Variants in NLGN1 observed in about 807,000 individuals in gnomAD.
NLGN1 encodes neuroligin-1.
NLGN1 carries 12 observed loss-of-function variants against 65.5 expected under a neutral mutation model. The ratio of observed to expected loss-of-function variants is 0.18; its 90% CI spans 0.12 to 0.30. The LOEUF is 0.30. Among genes scored for constraint, NLGN1 ranks in the 10% least tolerant of loss-of-function variants. The probability of loss-of-function intolerance (pLI) is 1.00; values close to 1 mark genes in which losing one functional copy is unlikely to be tolerated. For missense variants in NLGN1, 750 were observed against 1,007.1 expected, an observed-to-expected ratio of 0.74 and a Z score of 3.46; for synonymous variants, 350 against 359.5, an observed-to-expected ratio of 0.97 and a Z score of 0.30.
chr3:173,502,020 A>G (rs1731213434), intron 2 of NLGN1, among the ~76,000 whole-genome samples: 1 of 152,092 alleles, frequency 6.6e-6, no homozygotes, highest in African/African-American at 2.4e-5. Context: ...CTCATGCTTG[A>G]TTTAATAATG....
chr3:174,014,486 G>T (rs1427127404), intron 4 of NLGN1, among the ~76,000 whole-genome samples: 1 of 152,146 alleles, frequency 6.6e-6, no homozygotes, highest in Non-Finnish European at 1.5e-5. Context: ...ACTTTAGGAA[G>T]AAAGAATCAC....
chr3:173,953,118 C>G (rs192802783), intron 4 of NLGN1, among the ~76,000 whole-genome samples: 1 of 152,274 alleles, frequency 6.6e-6, no homozygotes, highest in Admixed American at 6.5e-5. Context: ...TCCATGATTA[C>G]TCTGCTGTTT....
intron 4 of NLGN1, among the ~76,000 whole-genome samples, chr3:173,928,817 G>T (rs1743508317): frequency 6.6e-6 from 1 of 151,688 alleles, no homozygotes; most frequent in South Asian, 2.1e-4. Context: ...TTACAGGCAT[G>T]TGCCACCATG....
intron 4 of NLGN1, among the ~76,000 whole-genome samples, chr3:174,048,378 A>G (rs1017877090): frequency 6.6e-6 from 1 of 152,094 alleles, no homozygotes; most frequent in Non-Finnish European, 1.5e-5. Flanking sequence ...AAGAAATTAT[A>G]GTTTAAGTGC....
intron 4 of NLGN1, among the ~76,000 whole-genome samples, chr3:174,050,724 C>T (rs891583645): frequency 3.9e-5 from 6 of 151,938 alleles, no homozygotes; most frequent in Non-Finnish European, 8.8e-5. Context: ...TGGTCTCCTT[C>T]CCATTTAGAA....
chr3:174,165,576 G>T (rs540897755), intron 4 of NLGN1, among the ~76,000 whole-genome samples: 1 of 152,026 alleles, frequency 6.6e-6, no homozygotes, highest in South Asian at 2.1e-4. Context: ...TTAGCTTTTT[G>T]ATGTGCTGTT....
chr3:173,687,717 G>A (rs541352559), intron 3 of NLGN1, among the ~76,000 whole-genome samples: 162 of 152,298 alleles, frequency 1.1e-3, no homozygotes, highest in Non-Finnish European at 2.1e-3. Context: ...ATATATGTAT[G>A]TCCAGCAAGG....
intron 4 of NLGN1, among the ~76,000 whole-genome samples, chr3:173,952,192 A>C (rs1012983154): frequency 1.3e-5 from 2 of 152,186 alleles, no homozygotes; most frequent in Non-Finnish European, 2.9e-5. Flanking sequence ...AGGTCTGTTC[A>C]ATCAGTCCAG....
chr3:174,187,523 T>C (rs559791623), intron 4 of NLGN1, among the ~76,000 whole-genome samples: 1 of 152,096 alleles, frequency 6.6e-6, no homozygotes, highest in South Asian at 2.1e-4. Flanking sequence ...GAGATAATGC[T>C]TTTGCTGTAT....
chr3:173,690,078 A>AG (rs1765243145), intron 3 of NLGN1, among the ~76,000 whole-genome samples: 1 of 152,174 alleles, frequency 6.6e-6, no homozygotes, highest in Non-Finnish European at 1.5e-5. Flanking sequence ...AATATTAATC[A>AG]TTTACTTACT....
chr3:174,085,930 A>C (rs1743137497), intron 4 of NLGN1, among the ~76,000 whole-genome samples: 1 of 151,926 alleles, frequency 6.6e-6, no homozygotes, highest in Non-Finnish European at 1.5e-5. Context: ...TCAAGAAAAG[A>C]CTCTGACTAG....
chr3:173,687,807 T>C (rs1450837487), intron 3 of NLGN1, among the ~76,000 whole-genome samples: 1 of 152,172 alleles, frequency 6.6e-6, no homozygotes, highest in Non-Finnish European at 1.5e-5. Context: ...CTAGCAAGTA[T>C]TTCCAGACAA....
intron 4 of NLGN1, among the ~76,000 whole-genome samples, chr3:173,833,320 T>C (rs1336425312): frequency 6.6e-6 from 1 of 152,214 alleles, no homozygotes; most frequent in Non-Finnish European, 1.5e-5. Context: ...GATGTGCATT[T>C]ATTTAATTAT....
intron 4 of NLGN1, among the ~76,000 whole-genome samples, chr3:174,113,351 G>A (rs932871634): frequency 6.6e-6 from 1 of 151,792 alleles, no homozygotes; most frequent in African/African-American, 2.4e-5. Flanking sequence ...TGTTTCTAAG[G>A]AAGATTGACA....
downstream of NLGN1, among the ~76,000 whole-genome samples, chr3:174,288,909 C>T (rs1455968924): frequency 6.6e-6 from 1 of 151,350 alleles, no homozygotes; most frequent in Non-Finnish European, 1.5e-5. Flanking sequence ...TATTGTTAAG[C>T]AAATTCTGTC....
intron 3 of NLGN1, among the ~76,000 whole-genome samples, chr3:173,780,268 G>T (rs1043167645): frequency 3.3e-5 from 5 of 152,254 alleles, no homozygotes; most frequent in African/African-American, 1.2e-4. Flanking sequence ...TGATGCATAT[G>T]TTTCTCTCTG....
chr3:174,266,390 G>T (rs1748249150), intron 4 of NLGN1, among the ~76,000 whole-genome samples: 1 of 152,076 alleles, frequency 6.6e-6, no homozygotes, highest in Non-Finnish European at 1.5e-5. Flanking sequence ...TCATGATTTT[G>T]TTCTTTTTTA....
chr3:174,171,151 T>C (rs934595932), intron 4 of NLGN1, among the ~76,000 whole-genome samples: 1 of 152,168 alleles, frequency 6.6e-6, no homozygotes, highest in Admixed American at 6.6e-5. Flanking sequence ...TGATGTTATG[T>C]TTCTGAGAGT....
At chr3:174,037,789 G>A (rs1055184827) in intron 4 of NLGN1, among the ~76,000 whole-genome samples, 2 of 152,114 alleles carry the variant, frequency 1.3e-5, no homozygotes, top group African/African-American at 4.8e-5. Context: ...AGAAATTAAA[G>A]AGCCTTAGAT....
Sources: gnomAD v4.1 joint callset for allele counts (sites outside exome capture counted in the v4.1 genomes callset) on GRCh38, gnomAD v4.1.1 for gene constraint, MANE v1.5 for transcripts, NCBI Gene and HGNC (gene_info 2026-07-23, HGNC 2026-07-21) for gene names.